ZFHX3: variants seen among roughly 807,000 people sequenced by gnomAD.
ZFHX3 encodes the protein zinc finger homeobox 3, also known as zinc finger homeobox protein 3.
In ZFHX3, 42 loss-of-function variants were observed where a neutral mutation model predicts 279.1. The ratio of observed to expected loss-of-function variants is 0.15; its 90% confidence interval spans 0.12 to 0.19. The LOEUF is 0.19. Among genes scored for constraint, ZFHX3 ranks in the 10% least tolerant of loss-of-function variants. The pLI is 1.00. For missense variants in ZFHX3, 4,981 were observed against 4,754.0 expected, an observed-to-expected ratio of 1.05 and a Z score of -1.40; for synonymous variants, 2,293 against 1,957.8, an observed-to-expected ratio of 1.17 and a Z score of -4.52.
intron 3 of ZFHX3, among the ~76,000 whole-genome samples, chr16:72,915,822 A>G (rs1228668187): frequency 6.6e-6 from 1 of 152,232 alleles, no homozygotes; most frequent in Non-Finnish European, 1.5e-5. Context: ...ATCATTTTAT[A>G]AAATGCAGAA....
chr16:73,284,607 T>C (rs1290894469), intron 4 of ZFHX3, among the ~76,000 whole-genome samples: 1 of 152,170 alleles, frequency 6.6e-6, no homozygotes, highest in Non-Finnish European at 1.5e-5. Context: ...CTTTTTGCTC[T>C]TACGAGAATA....
chr16:73,408,169 A>C (rs1330278152), intron 3 of ZFHX3, among the ~76,000 whole-genome samples: 2 of 150,976 alleles, frequency 1.3e-5, no homozygotes, highest in Non-Finnish European at 2.9e-5. Flanking sequence ...ATGGTTGTTC[A>C]TTCTGACCCC....
chr16:73,699,627 T>C (rs189200660), intron 1 of ZFHX3, among the ~76,000 whole-genome samples: 18 of 152,308 alleles, frequency 1.2e-4, no homozygotes, highest in Non-Finnish European at 2.5e-4. Context: ...CCAAATGCCA[T>C]TGTAAGTGTA....
chr16:73,211,436 T>C (rs966759931), intron 5 of ZFHX3, among the ~76,000 whole-genome samples: 1 of 152,080 alleles, frequency 6.6e-6, no homozygotes, highest in Non-Finnish European at 1.5e-5. Context: ...GATAAATTTA[T>C]CCATTTTTTA....
chr16:73,530,642 T>C (rs2019783242), intron 2 of ZFHX3, among the ~76,000 whole-genome samples: 1 of 152,176 alleles, frequency 6.6e-6, no homozygotes, highest in Non-Finnish European at 1.5e-5. Context: ...TTTAACCCTA[T>C]CAACATTCCT....
chr16:73,626,064 G>A (rs2052413472), intron 2 of ZFHX3, among the ~76,000 whole-genome samples: 1 of 152,038 alleles, frequency 6.6e-6, no homozygotes, highest in Admixed American at 6.6e-5. Context: ...CATCGTGTTA[G>A]CCAGGATGGT....
At chr16:73,153,048 C>T (rs1966986182) in intron 5 of ZFHX3, among the ~76,000 whole-genome samples, 1 of 152,086 alleles carries the variant, frequency 6.6e-6, no homozygotes, top group Non-Finnish European at 1.5e-5. Context: ...GCTGGGTTGT[C>T]AGATTTTAGC....
At chr16:72,809,556 A>G (rs1384060640) in intron 7 of ZFHX3, 1 of 152,236 alleles carries the variant, frequency 6.6e-6, no homozygotes, top group Non-Finnish European at 1.5e-5. Context: ...TCTGAAAGGC[A>G]ACTCATGGCT....
At chr16:72,882,977 G>GGGGTGTGTGTGT (rs1371954934) in intron 4 of ZFHX3, among the ~76,000 whole-genome samples, 2 of 65,390 alleles carry the variant, frequency 3.1e-5, no homozygotes, top group East Asian at 4.9e-4. Flanking sequence ...ACCACTCTGG[G>GGGGTGTGTGTGT]GTGTGTGTGT....
intron 2 of ZFHX3, among the ~76,000 whole-genome samples, chr16:73,532,889 T>C (rs1000856951): frequency 2.6e-5 from 4 of 152,198 alleles, no homozygotes; most frequent in African/African-American, 9.7e-5. Context: ...CCCCCTTTGC[T>C]CAGCACTCAT....
intron 1 of ZFHX3, among the ~76,000 whole-genome samples, chr16:73,881,040 C>A (rs770861975): frequency 6.6e-6 from 1 of 152,118 alleles, no homozygotes; most frequent in Non-Finnish European, 1.5e-5. Flanking sequence ...GTACTACATC[C>A]GCTCTTCAAA....
chr16:73,332,790 T>C (rs1344576896), intron 3 of ZFHX3, among the ~76,000 whole-genome samples: 1 of 152,210 alleles, frequency 6.6e-6, no homozygotes, highest in Non-Finnish European at 1.5e-5. Flanking sequence ...AGGTAGTCAA[T>C]GAACGTACTC....
chr16:73,176,395 G>T (rs945563701), intron 5 of ZFHX3, among the ~76,000 whole-genome samples: 1 of 152,166 alleles, frequency 6.6e-6, no homozygotes, highest in African/African-American at 2.4e-5. Context: ...AAGTGCAGGT[G>T]AAAGCATAGT....
chr16:72,880,059 C>T (rs2038422658), intron 4 of ZFHX3, among the ~76,000 whole-genome samples: 1 of 152,160 alleles, frequency 6.6e-6, no homozygotes, highest in Admixed American at 6.5e-5. Context: ...AGTAGTTAAT[C>T]CCATGCCAAG....
chr16:72,881,406 T>C lies in ZFHX3; in HGVS notation c.3448+8325A>G, dbSNP rs148704598. Among the ~76,000 whole-genome samples the C allele has an allele frequency of 4.1e-4, 63 of 152,230 alleles. No homozygotes were observed. In the East Asian group the frequency reaches 4.4e-3, roughly 11 times the overall value. On this transcript the variant is annotated intron_variant, in intron 4 of 9. Transcript: ENST00000268489. The stretch of plus-strand genomic sequence containing the variant: ...GTTTGAAAAAAATAATTTGGAACCA[T>C]AATTCTTATAATTGGGTCACAGTTT...
chr16:72,958,339 G>A lies in ZFHX3; in HGVS notation c.1807C>T (p.Pro603Ser), dbSNP rs1354714621. The part of the protein sequence containing the change: ...ESANKDNATA[P>S]EPNESTEGDD... ...CCCTCTGTGCTTTCATTTGGTTCTG[G>A]TGCTGTGGCATTGTCTTTATTGGCA... Residue 603 changes from proline to serine, a missense_variant, in exon 2 of 10, where the codon CCA becomes TCA. Pro to Ser is a moderately conservative substitution (Grantham distance 74). Coordinates refer to ENST00000268489, the MANE Select transcript of ZFHX3 (RefSeq NM_006885.4). 7 of 1,613,970 alleles carry A rather than the reference G, an allele frequency of 4.3e-6. No homozygotes were observed. Among genetic ancestry groups the A allele is most frequent in the African/African-American group, 1.3e-5 (1 of 74,922 alleles).
intron 3 of ZFHX3, among the ~76,000 whole-genome samples, chr16:72,930,484 A>T (rs1597387686): frequency 6.6e-6 from 1 of 152,178 alleles, no homozygotes; most frequent in African/African-American, 2.4e-5. Context: ...GACAGATTTT[A>T]TAAGTGCAAA....
chr16:73,846,686 G>A (rs8061276), intron 1 of ZFHX3, among the ~76,000 whole-genome samples: 1,774 of 152,228 alleles, frequency 0.012, 43 homozygotes, highest in African/African-American at 0.041. Context: ...ATGAGAAAAC[G>A]TGTGATATTC....
At chr16:73,695,753 T>G (rs1362938309) in intron 1 of ZFHX3, among the ~76,000 whole-genome samples, 1 of 152,188 alleles carries the variant, frequency 6.6e-6, no homozygotes, top group Non-Finnish European at 1.5e-5. Flanking sequence ...TACAGGGCAG[T>G]GCCTGGCTCA....
Sources: gnomAD v4.1 joint callset for allele counts (sites outside exome capture counted in the v4.1 genomes callset) on GRCh38, gnomAD v4.1.1 for gene constraint, MANE v1.5 for transcripts, NCBI Gene and HGNC (gene_info 2026-07-23, HGNC 2026-07-21) for gene names.